Variants in CLVS1 observed in about 807,000 individuals in gnomAD.
CLVS1 encodes the protein clavesin 1, also known as clavesin-1.
Under a neutral mutation model 33.1 loss-of-function variants are expected in CLVS1, and 10 were observed. That is an observed-to-expected ratio of 0.30 (90% CI 0.19 to 0.51). The LOEUF is 0.51. Ranked by LOEUF, CLVS1 falls within the 20% of genes least tolerant of loss-of-function variation. The probability of loss-of-function intolerance (pLI) is 0.97; values close to 1 mark genes in which losing one functional copy is unlikely to be tolerated. For synonymous variants in CLVS1, 163 were observed against 166.1 expected (o/e 0.98, Z 0.14); for missense variants, 343 against 433.4 (o/e 0.79, Z 1.85).
chr8:61,127,627 A>G (rs933490174), intron 1 of CLVS1, among the ~76,000 whole-genome samples: 1 of 152,256 alleles, frequency 6.6e-6, no homozygotes, highest in Non-Finnish European at 1.5e-5. Flanking sequence ...CTGATTTCTT[A>G]GGAAGTATTG....
chr8:61,011,771 T>C, the CLVS1 span, among the ~76,000 whole-genome samples: 12 of 152,192 alleles, frequency 7.9e-5, no homozygotes, highest in Admixed American at 7.9e-4. Flanking sequence ...TAATATTCCA[T>C]TATGAGTGTG....
intron 1 of CLVS1, among the ~76,000 whole-genome samples, chr8:61,119,501 C>T (rs1266977791): frequency 6.1e-5 from 9 of 148,052 alleles, no homozygotes; most frequent in East Asian, 2.0e-4. Context: ...GATTTTGCAG[C>T]GGCTGGTACT....
chr8:61,481,301 G>A (rs768517346), intron 5 of CLVS1, among the ~76,000 whole-genome samples: 8 of 152,176 alleles, frequency 5.3e-5, no homozygotes, highest in South Asian at 2.1e-4. Context: ...TGTGAGCGAC[G>A]CAGAAGATGG....
chr8:61,031,063 A>T, the CLVS1 span, among the ~76,000 whole-genome samples: 1 of 152,234 alleles, frequency 6.6e-6, no homozygotes, highest in Non-Finnish European at 1.5e-5. Flanking sequence ...AGCTCTGGGC[A>T]ACTGAGTACA....
At chr8:61,281,100 A>T (rs1388226822) in intron 2 of CLVS1, among the ~76,000 whole-genome samples, 1 of 152,228 alleles carries the variant, frequency 6.6e-6, no homozygotes, top group Non-Finnish European at 1.5e-5. Flanking sequence ...TCCTTTGAGC[A>T]GAATCAACAG....
chr8:61,283,208 A>G (rs1008465746), upstream of CLVS1, among the ~76,000 whole-genome samples: 2 of 152,204 alleles, frequency 1.3e-5, no homozygotes, highest in African/African-American at 4.8e-5. Flanking sequence ...AGAACTGATC[A>G]TTTTGATAAC....
At chr8:61,008,106 A>G in the CLVS1 span, among the ~76,000 whole-genome samples, 1 of 152,196 alleles carries the variant, frequency 6.6e-6, no homozygotes, top group African/African-American at 2.4e-5. Context: ...GGAATGGGCC[A>G]TTTATTAGTA....
At chr8:60,968,186 C>T in the CLVS1 span, among the ~76,000 whole-genome samples, 2,846 of 152,270 alleles carry the variant, frequency 0.019, 103 homozygotes, top group African/African-American at 0.065. Flanking sequence ...CCCACCTTGA[C>T]CTCCCAAATT....
At chr8:61,415,948 A>AG (rs997453610) in intron 3 of CLVS1, among the ~76,000 whole-genome samples, 2 of 152,206 alleles carry the variant, frequency 1.3e-5, no homozygotes, top group Non-Finnish European at 2.9e-5. Context: ...GAACCTGACC[A>AG]GCACAAAACA....
chr8:61,381,701 G>A (rs1423092566), intron 3 of CLVS1, among the ~76,000 whole-genome samples: 1 of 152,106 alleles, frequency 6.6e-6, no homozygotes, highest in African/African-American at 2.4e-5. Context: ...TTGATTTTTT[G>A]TTCCTACGTT....
intron 1 of CLVS1, among the ~76,000 whole-genome samples, chr8:61,098,611 A>G (rs1186605786): frequency 6.6e-6 from 1 of 152,134 alleles, no homozygotes; most frequent in African/African-American, 2.4e-5. Flanking sequence ...TAATCCTTGC[A>G]ACACTCCTGG....
At chr8:61,137,060 A>G (rs547234498) in intron 2 of CLVS1, among the ~76,000 whole-genome samples, 51 of 152,330 alleles carry the variant, frequency 3.3e-4, no homozygotes, top group African/African-American at 1.2e-3. Context: ...AAAATGGAAA[A>G]TGAAGCTCTT....
intron 5 of CLVS1, among the ~76,000 whole-genome samples, chr8:61,478,173 T>C (rs1286622716): frequency 6.6e-6 from 1 of 152,234 alleles, no homozygotes; most frequent in Admixed American, 6.5e-5. Flanking sequence ...TGCACTGTGG[T>C]CTGAGAGACA....
At chr8:60,994,085 A>G in the CLVS1 span, among the ~76,000 whole-genome samples, 1 of 152,164 alleles carries the variant, frequency 6.6e-6, no homozygotes, top group Non-Finnish European at 1.5e-5. Context: ...GTGTTTCTTC[A>G]CAGTTTTGAA....
intron 2 of CLVS1, among the ~76,000 whole-genome samples, chr8:61,213,667 C>T (rs138757405): frequency 0.016 from 2,414 of 152,204 alleles, 73 homozygotes; most frequent in African/African-American, 0.056. Flanking sequence ...ATCTCTTAAT[C>T]CTGTCAGCTG....
At chr8:61,297,499 T>C (rs1023570953) in intron 1 of CLVS1, among the ~76,000 whole-genome samples, 1 of 152,166 alleles carries the variant, frequency 6.6e-6, no homozygotes, top group Admixed American at 6.5e-5. Context: ...CGTGGGAAAC[T>C]GCATGGAAGA....
At chr8:61,380,206 G>T (rs1057192469) in intron 3 of CLVS1, among the ~76,000 whole-genome samples, 13 of 152,144 alleles carry the variant, frequency 8.5e-5, no homozygotes, top group Non-Finnish European at 1.8e-4. Context: ...GCAAGCAGGG[G>T]ACAGTGTTCT....
intron 2 of CLVS1, among the ~76,000 whole-genome samples, chr8:61,371,161 A>AT (rs1257843231): frequency 2.0e-5 from 3 of 151,964 alleles, no homozygotes; most frequent in Non-Finnish European, 4.4e-5. Context: ...AACAACTATT[A>AT]TTTTTTTGAT....
intron 1 of CLVS1, among the ~76,000 whole-genome samples, chr8:61,073,005 C>T (rs1013437135): frequency 2.0e-5 from 3 of 152,078 alleles, no homozygotes; most frequent in Non-Finnish European, 4.4e-5. Flanking sequence ...AACACTTTCT[C>T]TGGGTTGAGC....
Sources: gnomAD v4.1 joint callset for allele counts (sites outside exome capture counted in the v4.1 genomes callset) on GRCh38, gnomAD v4.1.1 for gene constraint, MANE v1.5 for transcripts, NCBI Gene and HGNC (gene_info 2026-07-23, HGNC 2026-07-21) for gene names.